WWTR1: variants seen among roughly 807,000 people sequenced by gnomAD.
The protein encoded by WWTR1 is WW domain-containing transcription regulator protein 1.
Under a neutral mutation model 40.1 loss-of-function variants are expected in WWTR1, and 13 were observed. The observed-to-expected ratio is 0.32, with a 90% CI of 0.21 to 0.52. WWTR1 has a LOEUF of 0.52. Ranked by LOEUF, WWTR1 falls within the 20% of genes least tolerant of loss-of-function variation. The pLI is 0.97. For synonymous variants in WWTR1, 230 were observed against 210.1 expected, an observed-to-expected ratio of 1.09 and a Z score of -0.82; for missense variants, 436 against 523.1, an observed-to-expected ratio of 0.83 and a Z score of 1.63.
At chr3:149,569,800 TAAG>T (rs759181331) in intron 3 of WWTR1, among the ~76,000 whole-genome samples, 1 of 152,304 alleles carries the variant, frequency 6.6e-6, no homozygotes, top group African/African-American at 2.4e-5. Context: ...GTTCTAGATT[TAAG>T]AAGAAGGAAG....
intron 2 of WWTR1, among the ~76,000 whole-genome samples, chr3:149,636,000 T>A (rs1435114793): frequency 6.6e-6 from 1 of 152,212 alleles, no homozygotes; most frequent in Non-Finnish European, 1.5e-5. Flanking sequence ...CTTGGGTCTG[T>A]GTGATCTTAA....
At chr3:149,672,173 ATGTGC>A in intron 1 of WWTR1, among the ~76,000 whole-genome samples, 1 of 152,238 alleles carries the variant, frequency 6.6e-6, no homozygotes, top group East Asian at 1.9e-4. Context: ...AACCAGTAGA[ATGTGC>A]ATCAGAGGCT....
At chr3:149,590,202 A>G (rs1738627512) in intron 2 of WWTR1, among the ~76,000 whole-genome samples, 1 of 152,124 alleles carries the variant, frequency 6.6e-6, no homozygotes, top group Non-Finnish European at 1.5e-5. Flanking sequence ...AGTTACAATA[A>G]TAATTATTCA....
intron 1 of WWTR1, among the ~76,000 whole-genome samples, chr3:149,691,951 G>T (rs1235218426): frequency 6.6e-6 from 1 of 152,094 alleles, no homozygotes; most frequent in African/African-American, 2.4e-5. Flanking sequence ...GGGAGGCAGA[G>T]CTTGCAGTGA....
At chr3:149,702,823 A>T (rs1180992423) in intron 1 of WWTR1, 1 of 152,210 alleles carries the variant, frequency 6.6e-6, no homozygotes, top group Non-Finnish European at 1.5e-5. Context: ...CATTTCTGAG[A>T]CTGCAAGGCT....
intron 3 of WWTR1, among the ~76,000 whole-genome samples, chr3:149,549,584 T>C (rs1736523786): frequency 6.6e-6 from 1 of 152,230 alleles, no homozygotes; most frequent in African/African-American, 2.4e-5. Context: ...ACGCCTGTAA[T>C]GCCAGCACTT....
At chr3:149,587,878 T>C (rs1420610940) in intron 2 of WWTR1, among the ~76,000 whole-genome samples, 1 of 152,180 alleles carries the variant, frequency 6.6e-6, no homozygotes, top group African/African-American at 2.4e-5. Flanking sequence ...CAAAAGAACC[T>C]GAAAACTTAC....
intron 1 of WWTR1, among the ~76,000 whole-genome samples, chr3:149,676,668 G>C (rs6764160): frequency 0.4 from 60,434 of 151,570 alleles, 12,179 homozygotes; most frequent in Middle Eastern, 0.57. Context: ...TTGCCCATGC[G>C]CACAGTTAGC....
At chr3:149,535,678 A>C (rs895995498) in intron 4 of WWTR1, among the ~76,000 whole-genome samples, 7 of 150,848 alleles carry the variant, frequency 4.6e-5, no homozygotes, top group African/African-American at 1.7e-4. Context: ...TAAAGAAAAC[A>C]TTATAATTTA....
intron 2 of WWTR1, among the ~76,000 whole-genome samples, chr3:149,602,821 A>C (rs1383379530): frequency 1.3e-5 from 2 of 151,896 alleles, no homozygotes; most frequent in East Asian, 3.9e-4. Flanking sequence ...CACCACACCC[A>C]GCTAATTTTT....
In WWTR1 at chr3:149,542,219, G is replaced by C. The variant is rs1736136370; in HGVS notation, c.771+116C>G. 14 of 1,184,380 alleles carry C rather than the reference G, an allele frequency of 1.2e-5. No homozygotes were observed. The East Asian group carries it at 3.4e-4, about 28-fold the overall frequency. The allele number at this position is 1,184,380 out of a possible 1,614,324, so 73.4% of individuals were successfully genotyped here. A position where few individuals can be genotyped will look rare whatever the true frequency, so the allele number is the denominator to read the frequency against. ...ATCAAGAGGCTTGGAGTAGGGCTTT[G>C]AGCCCTATTGTCTCTTCTTCTCTAG... is the stretch of plus-strand genomic sequence containing the variant. On this transcript the variant is annotated intron_variant, in intron 4 of 6. Coordinates refer to ENST00000360632, the MANE Select transcript of WWTR1 (RefSeq NM_015472.6).
intron 1 of WWTR1, among the ~76,000 whole-genome samples, chr3:149,695,928 T>C (rs922035580): frequency 6.7e-6 from 1 of 149,728 alleles, no homozygotes; most frequent in African/African-American, 2.4e-5. Context: ...CTGGCTAACA[T>C]GGTGAAATCC....
chr3:149,645,669 G>A (rs1454861864), intron 2 of WWTR1, among the ~76,000 whole-genome samples: 1 of 152,184 alleles, frequency 6.6e-6, no homozygotes, highest in Non-Finnish European at 1.5e-5. Flanking sequence ...CACAGTTGCA[G>A]CCTCAACTAT....
At chr3:149,697,127 GC>G (rs1199154605) in intron 1 of WWTR1, among the ~76,000 whole-genome samples, 4 of 152,148 alleles carry the variant, frequency 2.6e-5, no homozygotes, top group African/African-American at 9.7e-5. Context: ...AATACCTAAG[GC>G]TGGGGAATTT....
In WWTR1 at chr3:149,609,628, C is replaced by G. The variant is rs773452555; in HGVS notation, c.432-36628G>C. On this transcript the variant is annotated intron_variant, in intron 2 of 6. Coordinates refer to ENST00000360632, the MANE Select transcript of WWTR1 (RefSeq NM_015472.6). Reference sequence around the variant, plus strand: ...CAACAGCAGAGCTGAAAATTTACAACAGGGACTTTATGGCCCATGAAGTCT... The same window carrying G: ...CAACAGCAGAGCTGAAAATTTACAAGAGGGACTTTATGGCCCATGAAGTCT... Among the ~76,000 whole-genome samples, 23 of 152,188 alleles carry G rather than the reference C, an allele frequency of 1.5e-4. 1 individual carries two copies. Among genetic ancestry groups the G allele is most frequent in the Admixed American group, 1.0e-3 (16 of 15,272 alleles).
At chr3:149,646,377 A>C (rs1315262640) in intron 2 of WWTR1, among the ~76,000 whole-genome samples, 1 of 152,182 alleles carries the variant, frequency 6.6e-6, no homozygotes, top group Admixed American at 6.5e-5. Context: ...GACACACCCA[A>C]ACTACCCTGT....
chr3:149,626,490 T>C (rs1207570225), intron 2 of WWTR1, among the ~76,000 whole-genome samples: 2 of 151,096 alleles, frequency 1.3e-5, no homozygotes, highest in Non-Finnish European at 2.9e-5. Context: ...CATTCAAGTA[T>C]ATACATATTC....
chr3:149,615,111 A>G (rs1028416521), intron 2 of WWTR1, among the ~76,000 whole-genome samples: 11 of 152,266 alleles, frequency 7.2e-5, no homozygotes, highest in African/African-American at 2.4e-4. Context: ...GTGCTAATCT[A>G]TGTGCAGACC....
At chr3:149,660,257 T>C (rs978952570), upstream of WWTR1, 1 of 152,108 alleles carries the variant, frequency 6.6e-6, no homozygotes, top group Non-Finnish European at 1.5e-5. Flanking sequence ...GCTGACTTGA[T>C]GATTAAAAGA....
Sources: allele counts gnomAD v4.1 joint callset (sites outside exome capture counted in the v4.1 genomes callset), GRCh38; gene constraint gnomAD v4.1.1; transcripts MANE v1.5; gene names NCBI Gene and HGNC (gene_info 2026-07-23, HGNC 2026-07-21).